NLGN1: variants seen among roughly 807,000 people sequenced by gnomAD.
The protein encoded by NLGN1 is neuroligin 1.
Under a neutral mutation model 65.5 loss-of-function variants are expected in NLGN1, and 12 were observed. That is an observed-to-expected ratio of 0.18 (90% CI 0.12 to 0.30). NLGN1 has a LOEUF of 0.30. Ranked by LOEUF, NLGN1 falls within the 10% of genes least tolerant of loss-of-function variation. The pLI is 1.00. For synonymous variants in NLGN1, 350 were observed against 359.5 expected (o/e 0.97, Z 0.30); for missense variants, 750 against 1,007.1 (o/e 0.74, Z 3.46).
rs894621707 is a variant in NLGN1 at position 173,623,365 on chromosome 3, A to C, written c.493+18274A>C. On this transcript the variant is annotated intron_variant, in intron 3 of 6. Coordinates refer to ENST00000457714, the Ensembl canonical transcript of NLGN1. ...GTGATTATTTTTGTGAAAAAAAAAAACAGATTGTTGGAGAGTTAAAAGGGA... is the reference window on the plus strand; with the variant it reads ...GTGATTATTTTTGTGAAAAAAAAAACCAGATTGTTGGAGAGTTAAAAGGGA... Among the ~76,000 whole-genome samples the C allele has an allele frequency of 6.2e-4, 94 of 150,568 alleles. 1 individual carries two copies. The highest frequency in any genetic ancestry group is 3.4e-3 in the Middle Eastern group (1 of 292).
At chr3:173,789,900 C>T (rs1023783847) in intron 3 of NLGN1, 1 of 512,980 alleles carries the variant, frequency 1.9e-6, no homozygotes, top group Non-Finnish European at 3.9e-6. Context: ...GATTTCTCAG[C>T]ATCTCTATTG....
chr3:173,803,477 G>A (rs1250760758), intron 3 of NLGN1, among the ~76,000 whole-genome samples: 2 of 151,880 alleles, frequency 1.3e-5, no homozygotes, highest in African/African-American at 2.4e-5. Flanking sequence ...GCATGGTGGC[G>A]AGCACCTATA....
At chr3:173,874,475 ACATC>A (rs1478066129) in intron 4 of NLGN1, among the ~76,000 whole-genome samples, 3 of 152,246 alleles carry the variant, frequency 2.0e-5, no homozygotes, top group Admixed American at 1.3e-4. Context: ...GTGAATAATA[ACATC>A]TAGCAAGGGA....
rs1170756576 is a variant in NLGN1 at position 173,695,565 on chromosome 3, A to G, written c.493+90474A>G. Reference sequence around the variant, plus strand: ...CTTACTATTTTTCAGTGCCTCTTACACTATACTAGCATGCTAACTATTAAA... The same window carrying G: ...CTTACTATTTTTCAGTGCCTCTTACGCTATACTAGCATGCTAACTATTAAA... On this transcript the variant is annotated intron_variant, in intron 3 of 6. Transcript: ENST00000457714. The G allele has an allele frequency of 1.4e-5, 5 of 356,814 alleles. No homozygotes were observed. In the East Asian group the frequency reaches 2.4e-4, roughly 17 times the overall value. 22.1% of individuals were successfully genotyped at this position (356,814 alleles called of 1,614,324 possible). A position where few individuals can be genotyped will look rare whatever the true frequency, so the allele number is the denominator to read the frequency against.
intron 3 of NLGN1, among the ~76,000 whole-genome samples, chr3:173,800,829 A>G (rs192015867): frequency 6.6e-6 from 1 of 152,152 alleles, no homozygotes; most frequent in Admixed American, 6.5e-5. Flanking sequence ...CTGAAAGCTA[A>G]TATAAAGTGT....
intron 3 of NLGN1, among the ~76,000 whole-genome samples, chr3:173,770,081 A>G (rs1290640399): frequency 2.0e-5 from 3 of 152,188 alleles, no homozygotes; most frequent in Non-Finnish European, 4.4e-5. Context: ...AAAATGTCCT[A>G]TCTTAATAAA....
rs541542899 is a variant in NLGN1, at chr3:173,937,679, A to G, written c.646+129847A>G. ...AGAGATAAATTACTAATAGCTACTA[A>G]TCACTTGACAAGTGATTTTATTTAT... On this transcript the variant is annotated intron_variant, in intron 4 of 6. Coordinates refer to ENST00000457714, the Ensembl canonical transcript of NLGN1. Among the ~76,000 whole-genome samples, 37 of 152,244 alleles carry G rather than the reference A, an allele frequency of 2.4e-4. 1 individual carries two copies. Among genetic ancestry groups the G allele is most frequent in the South Asian group, 8.3e-4 (4 of 4,828 alleles).
At chr3:174,239,640 T>C (rs1243964274) in intron 4 of NLGN1, among the ~76,000 whole-genome samples, 2 of 152,212 alleles carry the variant, frequency 1.3e-5, no homozygotes, top group African/African-American at 4.8e-5. Flanking sequence ...ATAGTTATTA[T>C]TTCTTCATGT....
At chr3:174,213,725 T>C (rs924216318) in intron 4 of NLGN1, among the ~76,000 whole-genome samples, 1 of 152,200 alleles carries the variant, frequency 6.6e-6, no homozygotes, top group Non-Finnish European at 1.5e-5. Flanking sequence ...AAGTTTTGAA[T>C]AATTTTTCTT....
chr3:174,152,129 GAAAT>G (rs1724480100), intron 4 of NLGN1, among the ~76,000 whole-genome samples: 1 of 147,822 alleles, frequency 6.8e-6, no homozygotes, highest in African/African-American at 2.6e-5. Context: ...ATAATGGTGA[GAAAT>G]AAAAATCATT....
At chr3:173,607,424 T>C (rs1273681480) in intron 3 of NLGN1, among the ~76,000 whole-genome samples, 1 of 151,794 alleles carries the variant, frequency 6.6e-6, no homozygotes, top group Non-Finnish European at 1.5e-5. Flanking sequence ...ATTATTATTA[T>C]TAAATACATT....
intron 4 of NLGN1, among the ~76,000 whole-genome samples, chr3:173,827,918 T>C (rs1003458414): frequency 3.9e-5 from 6 of 151,976 alleles, no homozygotes; most frequent in African/African-American, 1.4e-4. Context: ...CCTGCCCACA[T>C]TGGTGAGGGC....
chr3:173,556,076 A>G (rs1741657712), intron 2 of NLGN1, among the ~76,000 whole-genome samples: 1 of 152,146 alleles, frequency 6.6e-6, no homozygotes, highest in Admixed American at 6.5e-5. Flanking sequence ...TTGTGACCTT[A>G]TTCACCTAAC....
chr3:173,469,748 C>G (rs866329152), intron 2 of NLGN1, among the ~76,000 whole-genome samples: 3 of 151,998 alleles, frequency 2.0e-5, no homozygotes, highest in African/African-American at 7.2e-5. Flanking sequence ...AGCAATCTAT[C>G]CTTATTTCCC....
intron 3 of NLGN1, among the ~76,000 whole-genome samples, chr3:173,777,425 T>C (rs1329560516): frequency 6.6e-6 from 1 of 151,884 alleles, no homozygotes; most frequent in Non-Finnish European, 1.5e-5. Context: ...TACAGGGTGA[T>C]GTTTCAATAC....
chr3:173,572,164 AC>A (rs1744755783), intron 2 of NLGN1, among the ~76,000 whole-genome samples: 1 of 152,126 alleles, frequency 6.6e-6, no homozygotes, highest in Non-Finnish European at 1.5e-5. Context: ...CCTGTTCTTA[AC>A]CCAGGCTGCA....
At chr3:174,158,371 A>T (rs906539762) in intron 4 of NLGN1, among the ~76,000 whole-genome samples, 2 of 151,832 alleles carry the variant, frequency 1.3e-5, no homozygotes, top group Non-Finnish European at 1.5e-5. Context: ...GAAATAAAAT[A>T]TAAGTAGAAA....
intron 4 of NLGN1, among the ~76,000 whole-genome samples, chr3:174,264,777 A>G (rs990092099): frequency 4.6e-5 from 7 of 151,802 alleles, no homozygotes; most frequent in Middle Eastern, 3.4e-3. Context: ...TAGAGTTTCC[A>G]GTTTTTCTGT....
chr3:173,476,652 G>A (rs932482189), intron 2 of NLGN1, among the ~76,000 whole-genome samples: 33 of 152,278 alleles, frequency 2.2e-4, no homozygotes, highest in African/African-American at 7.5e-4. Context: ...GCTACACTAA[G>A]GAATCTGCTT....
Sources: allele counts gnomAD v4.1 joint callset (sites outside exome capture counted in the v4.1 genomes callset), GRCh38; gene constraint gnomAD v4.1.1; transcripts MANE v1.5; gene names NCBI Gene and HGNC (gene_info 2026-07-23, HGNC 2026-07-21).